Variants in ME1 observed in about 807,000 individuals in gnomAD.
ME1 encodes the protein NADP-dependent malic enzyme.
ME1 carries 74 observed loss-of-function variants against 66.4 expected under a neutral mutation model. The observed-to-expected ratio is 1.11, with a 90% CI of 0.92 to 1.35. ME1 has a LOEUF of 1.35. Among genes scored for constraint, ME1 ranks in the 40% most tolerant of loss-of-function variants. The pLI is 0.00. For synonymous variants in ME1, 251 were observed against 235.6 expected (o/e 1.07, Z -0.60); for missense variants, 750 against 694.1 (o/e 1.08, Z -0.90).
At chr6:83,350,332 G>A (rs1286460774) in intron 4 of ME1, among the ~76,000 whole-genome samples, 1 of 152,170 alleles carries the variant, frequency 6.6e-6, no homozygotes, top group African/African-American at 2.4e-5. Context: ...AGTTAAAGAT[G>A]CAGAGATCAG....
intron 7 of ME1, among the ~76,000 whole-genome samples, chr6:83,253,030 C>T (rs1009456100): frequency 1.3e-5 from 2 of 152,134 alleles, no homozygotes; most frequent in African/African-American, 4.8e-5. Flanking sequence ...TATTTCTCCT[C>T]AGCTCATCTA....
At chr6:83,269,629 T>G (rs1204343337) in intron 6 of ME1, among the ~76,000 whole-genome samples, 1 of 152,166 alleles carries the variant, frequency 6.6e-6, no homozygotes, top group Non-Finnish European at 1.5e-5. Context: ...AATAATTTAA[T>G]AAAATTTGAA....
intron 6 of ME1, among the ~76,000 whole-genome samples, chr6:83,281,833 A>G (rs1392179998): frequency 7.1e-6 from 1 of 140,718 alleles, no homozygotes; most frequent in African/African-American, 2.6e-5. Context: ...AAAAAAAAAA[A>G]AAGAAAAGAA....
chr6:83,283,296 T>A (rs537380873), intron 6 of ME1, among the ~76,000 whole-genome samples: 1 of 146,294 alleles, frequency 6.8e-6, no homozygotes, highest in Non-Finnish European at 1.5e-5. Context: ...CTGGAAACCA[T>A]CCTTCTCAGC....
chr6:83,380,340 T>G (rs1031601585), intron 3 of ME1, among the ~76,000 whole-genome samples: 1 of 152,118 alleles, frequency 6.6e-6, no homozygotes, highest in Non-Finnish European at 1.5e-5. Flanking sequence ...CTAAAGAGTT[T>G]GAATTTTATC....
At chr6:83,307,850 G>T (rs1027162563) in intron 6 of ME1, among the ~76,000 whole-genome samples, 4 of 152,048 alleles carry the variant, frequency 2.6e-5, no homozygotes, top group African/African-American at 9.7e-5. Context: ...CATATTTGAT[G>T]CCTTCTTTAG....
chr6:83,411,856 T>C (rs1444754566), intron 1 of ME1, among the ~76,000 whole-genome samples: 1 of 152,180 alleles, frequency 6.6e-6, no homozygotes, highest in East Asian at 1.9e-4. Flanking sequence ...TGTCTTTTCT[T>C]TGCTTTCCCT....
intron 3 of ME1, among the ~76,000 whole-genome samples, chr6:83,365,377 A>G (rs1357147545): frequency 6.6e-6 from 1 of 152,082 alleles, no homozygotes; most frequent in Non-Finnish European, 1.5e-5. Context: ...TACAGGCATG[A>G]GCCACTGTGC....
intron 2 of ME1, among the ~76,000 whole-genome samples, chr6:83,403,738 G>A (rs1488599607): frequency 2.0e-5 from 3 of 152,156 alleles, no homozygotes; most frequent in Non-Finnish European, 4.4e-5. Context: ...ACTTATGAGT[G>A]AGAACATGTG....
chr6:83,387,063 C>T (rs989562944), intron 3 of ME1, among the ~76,000 whole-genome samples: 1 of 152,098 alleles, frequency 6.6e-6, no homozygotes, highest in African/African-American at 2.4e-5. Flanking sequence ...ATTTAATTTG[C>T]AGTTATTAAA....
intron 3 of ME1, among the ~76,000 whole-genome samples, chr6:83,379,462 T>C (rs1368127855): frequency 5.3e-5 from 8 of 152,080 alleles, no homozygotes; most frequent in African/African-American, 1.9e-4. Flanking sequence ...CTAAATATGA[T>C]ATACTAGTCG....
intron 5 of ME1, among the ~76,000 whole-genome samples, chr6:83,320,297 G>A (rs1768126661): frequency 6.6e-6 from 1 of 152,152 alleles, no homozygotes; most frequent in Non-Finnish European, 1.5e-5. Flanking sequence ...TTACTTACAG[G>A]CAACAGAAAT....
intron 6 of ME1, among the ~76,000 whole-genome samples, chr6:83,274,903 T>G (rs1767148252): frequency 6.6e-6 from 1 of 152,098 alleles, no homozygotes; most frequent in Non-Finnish European, 1.5e-5. Context: ...CCAGTGATAT[T>G]TTACAAAAAT....
chr6:83,419,836 G>A (rs570917992), intron 1 of ME1, among the ~76,000 whole-genome samples: 2 of 152,184 alleles, frequency 1.3e-5, no homozygotes, highest in Non-Finnish European at 2.9e-5. Context: ...TCCTTTCCAG[G>A]AACAGAATCC....
At chr6:83,228,713 C>T (rs559695761) in intron 10 of ME1, 113 bp downstream of exon 10, 22 of 714,590 alleles carry the variant, frequency 3.1e-5, no homozygotes, top group African/African-American at 7.2e-5. Context: ...CTTGAGCGAA[C>T]GTGTAGTTTT....
chr6:83,304,882 C>A (rs1767797654), intron 6 of ME1, among the ~76,000 whole-genome samples: 1 of 152,112 alleles, frequency 6.6e-6, no homozygotes, highest in Admixed American at 6.6e-5. Flanking sequence ...TCAGCTCAAA[C>A]AATATTTACT....
chr6:83,424,905 A>T (rs945164913), intron 1 of ME1, among the ~76,000 whole-genome samples: 1 of 152,210 alleles, frequency 6.6e-6, no homozygotes, highest in African/African-American at 2.4e-5. Context: ...ATTTAAATGT[A>T]TTTAAATATA....
intron 3 of ME1, among the ~76,000 whole-genome samples, chr6:83,370,577 T>A (rs977816963): frequency 1.3e-5 from 2 of 152,126 alleles, no homozygotes; most frequent in Admixed American, 6.5e-5. Flanking sequence ...ATCCTACTCA[T>A]CCTGCTTGAG....
At chr6:83,326,584 C>A (rs1768296200) in intron 5 of ME1, among the ~76,000 whole-genome samples, 1 of 151,928 alleles carries the variant, frequency 6.6e-6, no homozygotes, top group Admixed American at 6.6e-5. Flanking sequence ...AGGATATGAA[C>A]AGACATTTTC....
Sources: gnomAD v4.1 joint callset for allele counts (sites outside exome capture counted in the v4.1 genomes callset) on GRCh38, gnomAD v4.1.1 for gene constraint, MANE v1.5 for transcripts, NCBI Gene and HGNC (gene_info 2026-07-23, HGNC 2026-07-21) for gene names.